ADARB2: variants seen among roughly 807,000 people sequenced by gnomAD.
ADARB2 encodes adenosine deaminase RNA specific B2 (inactive).
In ADARB2, 25 loss-of-function variants were observed where a neutral mutation model predicts 62.2. The ratio of observed to expected loss-of-function variants is 0.40; its 90% confidence interval spans 0.29 to 0.56. The LOEUF is 0.56. Ranked by LOEUF, ADARB2 falls within the 20% of genes least tolerant of loss-of-function variation. ADARB2 has a pLI of 0.43. For missense variants in ADARB2, 1,071 were observed against 1,077.4 expected, an observed-to-expected ratio of 0.99 and a Z score of 0.08; for synonymous variants, 572 against 500.8, an observed-to-expected ratio of 1.14 and a Z score of -1.90.
chr10:1,481,881 A>C lies in ADARB2; in HGVS notation c.101-102721T>G, dbSNP rs1188711751. ...CAAAAAAAAAAAAAAAGAGAATAGA[A>C]AAGAAATACAAGTCAACAACACTTA... On this transcript the variant is annotated intron_variant, in intron 1 of 9. Transcript: ENST00000381312. Among the ~76,000 whole-genome samples the C allele has an allele frequency of 2.6e-5, 4 of 152,136 alleles. No individual in the cohort carries two copies. In the East Asian group the frequency reaches 7.7e-4, roughly 29 times the overall value.
intron 1 of ADARB2, among the ~76,000 whole-genome samples, chr10:1,586,015 CAG>C (rs1176526441): frequency 6.6e-6 from 1 of 152,136 alleles, no homozygotes; most frequent in African/African-American, 2.4e-5. Context: ...GCCTGGGTGA[CAG>C]AGCGAGACTC....
chr10:1,498,403 TAAA>T (rs1831719670), intron 1 of ADARB2, among the ~76,000 whole-genome samples: 1 of 151,372 alleles, frequency 6.6e-6, no homozygotes, highest in Admixed American at 6.6e-5. Flanking sequence ...AATAAATAAA[TAAA>T]TAAGTAATTT....
chr10:1,716,508 TTAAG>T (rs1301306049), intron 1 of ADARB2, among the ~76,000 whole-genome samples: 1 of 152,228 alleles, frequency 6.6e-6, no homozygotes, highest in Non-Finnish European at 1.5e-5. Context: ...ATTGCTAATA[TTAAG>T]TGAGGCATTA....
chr10:1,684,470 A>G (rs1834576445), intron 1 of ADARB2, among the ~76,000 whole-genome samples: 1 of 152,216 alleles, frequency 6.6e-6, no homozygotes, highest in Non-Finnish European at 1.5e-5. Flanking sequence ...GAATAACATA[A>G]TAATAGTCCC....
At chr10:1,551,995 A>T (rs1832631136) in intron 1 of ADARB2, among the ~76,000 whole-genome samples, 1 of 150,630 alleles carries the variant, frequency 6.6e-6, no homozygotes. Flanking sequence ...AGTGAGGCTG[A>T]GCGGCTCCAG....
At position 1,451,546 on chromosome 10, in the gene ADARB2, A is replaced by AGAGGGGACACACCTGTATGAG. The variant is rs1831038251; in HGVS notation, c.101-72407_101-72387dup. Among the ~76,000 whole-genome samples the AGAGGGGACACACCTGTATGAG allele has an allele frequency of 2.0e-5, 3 of 147,800 alleles. No individual in the cohort carries two copies. The East Asian group carries it at 5.9e-4, about 29-fold the overall frequency. The stretch of plus-strand genomic sequence containing the variant: ...ATGAGGAGGGGACACACCTGTTTGA[A>AGAGGGGACACACCTGTATGAG]GAGGGGACACACCTGTATGAGGAGG... On this transcript the variant is annotated intron_variant, in intron 1 of 9. Transcript: ENST00000381312.
chr10:1,492,456 T>C (rs1831634426), intron 1 of ADARB2, among the ~76,000 whole-genome samples: 1 of 152,070 alleles, frequency 6.6e-6, no homozygotes, highest in South Asian at 2.1e-4. Context: ...AAGGCAGAGA[T>C]TGAAGGAGCA....
chr10:1,476,909 C>G (rs923808762), intron 1 of ADARB2, among the ~76,000 whole-genome samples: 5 of 152,154 alleles, frequency 3.3e-5, no homozygotes, highest in Non-Finnish European at 5.9e-5. Flanking sequence ...GCATGATATT[C>G]ACATGCTCGG....
intron 1 of ADARB2, among the ~76,000 whole-genome samples, chr10:1,401,070 C>T (rs1228109066): frequency 5.3e-5 from 8 of 152,262 alleles, no homozygotes; most frequent in Admixed American, 3.3e-4. Flanking sequence ...CAGGACCCCT[C>T]GCCAGGGCCC....
intron 1 of ADARB2, among the ~76,000 whole-genome samples, chr10:1,446,066 AG>A (rs56029991): frequency 0.87 from 131,927 of 152,042 alleles, 57,884 homozygotes; most frequent in Non-Finnish European, 0.93. Flanking sequence ...AATGGAAGGG[AG>A]GGGGTGAAGG....
chr10:1,415,495 C>CGGT (rs59540693), intron 1 of ADARB2, among the ~76,000 whole-genome samples: 100,073 of 151,824 alleles, frequency 0.66, 35,382 homozygotes, highest in Middle Eastern at 0.82. Flanking sequence ...CATGAGTTGG[C>CGGT]CAGATAAACA....
intron 1 of ADARB2, among the ~76,000 whole-genome samples, chr10:1,473,597 C>T (rs1037778164): frequency 1.3e-5 from 2 of 152,126 alleles, no homozygotes; most frequent in Non-Finnish European, 2.9e-5. Context: ...ACCTAGGCTG[C>T]TCTTGAATTC....
At chr10:1,440,282 A>G (rs935166319) in intron 1 of ADARB2, among the ~76,000 whole-genome samples, 2 of 152,208 alleles carry the variant, frequency 1.3e-5, no homozygotes, top group Non-Finnish European at 2.9e-5. Flanking sequence ...GACAGCCTGG[A>G]TTCCAAACTG....
chr10:1,439,985 G>A (rs1439061001), intron 1 of ADARB2, among the ~76,000 whole-genome samples: 1 of 150,020 alleles, frequency 6.7e-6, no homozygotes, highest in Non-Finnish European at 1.5e-5. Flanking sequence ...CTTCACTATG[G>A]GGCTCCTGAG....
At chr10:1,210,705 A>G (rs1223344773) in intron 7 of ADARB2, among the ~76,000 whole-genome samples, 1 of 152,216 alleles carries the variant, frequency 6.6e-6, no homozygotes, top group Non-Finnish European at 1.5e-5. Flanking sequence ...TCATGAGTGC[A>G]GTGAGCGGTT....
At chr10:1,476,630 C>T (rs1226745008) in intron 1 of ADARB2, among the ~76,000 whole-genome samples, 1 of 152,172 alleles carries the variant, frequency 6.6e-6, no homozygotes, top group Admixed American at 6.5e-5. Context: ...TATAACTTCC[C>T]TACCTTATCC....
intron 8 of ADARB2, among the ~76,000 whole-genome samples, chr10:1,198,988 A>G (rs74632648): frequency 0.014 from 2,089 of 152,300 alleles, 22 homozygotes; most frequent in African/African-American, 0.014. Context: ...AAGAGCGGGG[A>G]TGGCCTAAGG....
At chr10:1,676,301 C>T (rs989714377) in intron 1 of ADARB2, among the ~76,000 whole-genome samples, 6 of 152,126 alleles carry the variant, frequency 3.9e-5, no homozygotes, top group African/African-American at 9.7e-5. Flanking sequence ...GGCCTCTAGA[C>T]GCCCCCACCC....
chr10:1,302,991 A>G (rs1176527911), intron 3 of ADARB2, among the ~76,000 whole-genome samples: 30 of 151,186 alleles, frequency 2.0e-4, no homozygotes, highest in Admixed American at 6.7e-4. Context: ...CCAAAGGAAC[A>G]CAGCTCCTCA....
Sources: allele counts gnomAD v4.1 joint callset (sites outside exome capture counted in the v4.1 genomes callset), GRCh38; gene constraint gnomAD v4.1.1; transcripts MANE v1.5; gene names NCBI Gene and HGNC (gene_info 2026-07-23, HGNC 2026-07-21).